Variants in ZSWIM6 observed in about 807,000 individuals in gnomAD.
The protein encoded by ZSWIM6 is zinc finger SWIM domain-containing protein 6.
ZSWIM6 carries 9 observed loss-of-function variants against 113.2 expected under a neutral mutation model. The observed-to-expected ratio is 0.08, with a 90% confidence interval of 0.05 to 0.14. The LOEUF (loss-of-function observed/expected upper bound fraction) is 0.14, where lower values mean the gene tolerates loss of function less well. Among genes scored for constraint, ZSWIM6 ranks in the 10% least tolerant of loss-of-function variants. The pLI is 1.00. For synonymous variants in ZSWIM6, 611 were observed against 606.5 expected (o/e 1.01, Z -0.11); for missense variants, 1,162 against 1,552.2 (o/e 0.75, Z 4.22).
At chr5:61,502,703 G>C (rs1320556657) in intron 4 of ZSWIM6, among the ~76,000 whole-genome samples, 1 of 152,208 alleles carries the variant, frequency 6.6e-6, no homozygotes, top group African/African-American at 2.4e-5. Context: ...CAGGAGGTGA[G>C]TGGTAGGCAA....
At chr5:61,433,158 CA>C (rs1455896649) in intron 1 of ZSWIM6, among the ~76,000 whole-genome samples, 1 of 152,072 alleles carries the variant, frequency 6.6e-6, no homozygotes, top group Non-Finnish European at 1.5e-5. Flanking sequence ...TTAGTGCTAT[CA>C]AAAAAGATTT....
chr5:61,384,689 A>C (rs1745558224), intron 1 of ZSWIM6, among the ~76,000 whole-genome samples: 2 of 152,152 alleles, frequency 1.3e-5, no homozygotes. Flanking sequence ...AAACTGCTTA[A>C]ATCTTAGGTC....
At chr5:61,400,605 G>C (rs542549936) in intron 1 of ZSWIM6, among the ~76,000 whole-genome samples, 57 of 152,304 alleles carry the variant, frequency 3.7e-4, no homozygotes, top group Non-Finnish European at 7.4e-4. Flanking sequence ...TCACGTTATA[G>C]ATGGGCAGCT....
intron 1 of ZSWIM6, among the ~76,000 whole-genome samples, chr5:61,352,619 C>G (rs1744815448): frequency 6.6e-6 from 1 of 152,212 alleles, no homozygotes. Context: ...CCCAGATTTT[C>G]CAAAGGTACA....
At position 61,510,796 on chromosome 5, in the gene ZSWIM6, T is replaced by A. The variant is rs1225471360; in HGVS notation, c.1334-10467T>A. ...ATTCATAGCAAATAATTAAGTGTTCTTTGTGAAAGAACCAGTAGTACCTGA... is the reference window on the plus strand; with the variant it reads ...ATTCATAGCAAATAATTAAGTGTTCATTGTGAAAGAACCAGTAGTACCTGA... On this transcript the variant is annotated intron_variant, in intron 4 of 13. Coordinates refer to ENST00000252744, the MANE Select transcript of ZSWIM6 (RefSeq NM_020928.2). Among the ~76,000 whole-genome samples, 3 of 152,156 alleles carry A rather than the reference T, an allele frequency of 2.0e-5. No homozygotes were observed. The East Asian group carries it at 5.8e-4, about 29-fold the overall frequency.
intron 1 of ZSWIM6, among the ~76,000 whole-genome samples, chr5:61,376,547 C>G (rs1745377046): frequency 9.1e-6 from 1 of 110,026 alleles, no homozygotes; most frequent in African/African-American, 3.6e-5. Context: ...CCATTTGCAG[C>G]ATGAGAAAGC....
In ZSWIM6 at chr5:61,543,802, A is replaced by C; in HGVS notation, c.3133A>C (p.Arg1045=). The stretch of plus-strand genomic sequence containing the variant: ...CATGGAGCACCGCGGGTACCCCATG[A>C]GGGCCTACAAGCTGGCCACCCTGGC... The part of the protein sequence containing the change: ...RYMEHRGYPM[R]AYKLATLAMT... Residue 1045 remains arginine (R), a synonymous_variant, in exon 14 of 14, where the codon AGG becomes CGG. Coordinates refer to ENST00000252744, the MANE Select transcript of ZSWIM6 (RefSeq NM_020928.2). This position sits in a 1 kb window ranked among gnomAD's most constrained non-coding sequence, Gnocchi z 4.3. The C allele has an allele frequency of 6.4e-6, 10 of 1,551,910 alleles. No homozygotes were observed. Among genetic ancestry groups the C allele is most frequent in the Non-Finnish European group, 8.7e-6 (10 of 1,147,032 alleles).
chr5:61,516,535 T>A (rs1185727808), intron 4 of ZSWIM6, among the ~76,000 whole-genome samples: 14 of 145,176 alleles, frequency 9.6e-5, no homozygotes, highest in South Asian at 6.4e-4. Flanking sequence ...TATATATATC[T>A]TATATATATA....
At chr5:61,398,390 C>T (rs1039898937) in intron 1 of ZSWIM6, among the ~76,000 whole-genome samples, 2 of 152,084 alleles carry the variant, frequency 1.3e-5, no homozygotes, top group African/African-American at 4.8e-5. Flanking sequence ...TGAAACTATC[C>T]CCCTACCCCT....
intron 4 of ZSWIM6, among the ~76,000 whole-genome samples, chr5:61,513,142 CA>C (rs1748833062): frequency 6.6e-6 from 1 of 152,070 alleles, no homozygotes; most frequent in Non-Finnish European, 1.5e-5. Flanking sequence ...TTCCTGCACC[CA>C]AACTCCTGGC....
intron 1 of ZSWIM6, among the ~76,000 whole-genome samples, chr5:61,404,030 C>T (rs1347016591): frequency 1.7e-4 from 25 of 148,352 alleles, no homozygotes; most frequent in African/African-American, 5.5e-4. Flanking sequence ...TTTTTTGAGA[C>T]GGAGTCTCGC....
At chr5:61,530,306 G>A in intron 8 of ZSWIM6, 108 bp downstream of exon 8, 1 of 1,167,458 alleles carries the variant, frequency 8.6e-7, no homozygotes, top group Non-Finnish European at 1.2e-6. Flanking sequence ...GTAGTTAACA[G>A]CACCTTTGGT....
intron 2 of ZSWIM6, among the ~76,000 whole-genome samples, chr5:61,475,272 C>T (rs886950824): frequency 3.3e-5 from 5 of 152,078 alleles, no homozygotes; most frequent in African/African-American, 9.7e-5. Flanking sequence ...TTAGTAAAAC[C>T]GAAAGCCTCC....
rs771083418 is a variant in ZSWIM6, at chr5:61,539,512, T to C, written c.2540-84T>C. The C allele has an allele frequency of 5.2e-4, 749 of 1,432,206 alleles. 3 individuals carry two copies. The highest frequency in any genetic ancestry group is 6.8e-4 in the Non-Finnish European group (729 of 1,071,804). The allele number at this position is 1,432,206 out of a possible 1,614,324, so 88.7% of individuals were successfully genotyped here. On this transcript the variant is annotated intron_variant, in intron 11 of 13. Coordinates refer to ENST00000252744, the MANE Select transcript of ZSWIM6 (RefSeq NM_020928.2). ...TTTCTTTTTTCCCCCTCTGTGTGTG[T>C]GTATGGTTGTATGATTTTTGTTTAT...
intron 1 of ZSWIM6, among the ~76,000 whole-genome samples, chr5:61,442,061 G>A (rs1333966723): frequency 6.6e-6 from 1 of 152,128 alleles, no homozygotes; most frequent in Non-Finnish European, 1.5e-5. Flanking sequence ...GAGGGGTAAG[G>A]AAGAGGAGTT....
chr5:61,390,811 G>A (rs1306423477), intron 1 of ZSWIM6: 12 of 797,738 alleles, frequency 1.5e-5, no homozygotes, highest in South Asian at 5.3e-5. Flanking sequence ...AGAGGCCGCC[G>A]TTTGGTTGGC....
intron 1 of ZSWIM6, among the ~76,000 whole-genome samples, chr5:61,337,107 C>T (rs918663026): frequency 3.3e-5 from 5 of 152,140 alleles, no homozygotes; most frequent in African/African-American, 7.2e-5. Context: ...AGGGCGAAAC[C>T]TCATCTCTAC....
chr5:61,423,160 A>C (rs1462684167), intron 1 of ZSWIM6, among the ~76,000 whole-genome samples: 12 of 152,100 alleles, frequency 7.9e-5, no homozygotes, highest in Non-Finnish European at 1.6e-4. Context: ...TAATCCCAGC[A>C]CTTTGGGAGG....
chr5:61,536,715 G>A (rs547745747), intron 10 of ZSWIM6, among the ~76,000 whole-genome samples: 159 of 152,298 alleles, frequency 1.0e-3, no homozygotes, highest in African/African-American at 3.6e-3. Flanking sequence ...AAGGATGTGT[G>A]TATGTGTCTG....
Sources: allele counts gnomAD v4.1 joint callset (sites outside exome capture counted in the v4.1 genomes callset), GRCh38; gene constraint gnomAD v4.1.1; non-coding constraint Gnocchi (gnomAD v3.1); transcripts MANE v1.5; gene names NCBI Gene and HGNC (gene_info 2026-07-23, HGNC 2026-07-21).